The following FRMD4B variants were observed in gnomAD, a reference collection of about 807,000 sequenced individuals.
The protein encoded by FRMD4B is FERM domain-containing protein 4B.
FRMD4B carries 74 observed loss-of-function variants against 141.5 expected under a neutral mutation model. The observed-to-expected ratio is 0.52, with a 90% CI of 0.43 to 0.63. The LOEUF is 0.63. Among genes scored for constraint, FRMD4B ranks in the 30% least tolerant of loss-of-function variants. FRMD4B has a pLI of 0.00. For synonymous variants in FRMD4B, 506 were observed against 467.9 expected, an observed-to-expected ratio of 1.08 and a Z score of -1.05; for missense variants, 1,366 against 1,253.4, an observed-to-expected ratio of 1.09 and a Z score of -1.36.
intron 1 of FRMD4B, among the ~76,000 whole-genome samples, chr3:69,516,612 G>A (rs186010169): frequency 6.6e-6 from 1 of 152,200 alleles, no homozygotes; most frequent in Non-Finnish European, 1.5e-5. Context: ...CTGAGCTACA[G>A]AGCTATAATG....
At chr3:69,295,167 A>G (rs74944511) in intron 4 of FRMD4B, among the ~76,000 whole-genome samples, 4,127 of 152,254 alleles carry the variant, frequency 0.027, 194 homozygotes, top group African/African-American at 0.094. Flanking sequence ...TTCATAGGTG[A>G]TGAAACAGGC....
At chr3:69,245,818 C>T (rs1421793476) in intron 7 of FRMD4B, among the ~76,000 whole-genome samples, 2 of 147,982 alleles carry the variant, frequency 1.4e-5, no homozygotes, top group Non-Finnish European at 3.0e-5. Flanking sequence ...CGTCTGCGAA[C>T]GTGCCAGGCT....
chr3:69,173,801 A>C (rs1398294593), intron 22 of FRMD4B, among the ~76,000 whole-genome samples: 1 of 152,220 alleles, frequency 6.6e-6, no homozygotes, highest in Non-Finnish European at 1.5e-5. Context: ...TCCTAGGAAA[A>C]TAATCTGGGA....
chr3:69,469,495 G>A (rs921182496), intron 1 of FRMD4B, among the ~76,000 whole-genome samples: 1 of 152,118 alleles, frequency 6.6e-6, no homozygotes, highest in Non-Finnish European at 1.5e-5. Flanking sequence ...TCAGCAATCA[G>A]CAATACTTTG....
intron 3 of FRMD4B, chr3:69,306,574 T>C (rs1701399151): frequency 6.6e-6 from 1 of 152,204 alleles, no homozygotes; most frequent in South Asian, 2.1e-4. Flanking sequence ...AGACTAACTT[T>C]GCACACAGAG....
At chr3:69,315,097 A>G (rs368200152) in intron 1 of FRMD4B, among the ~76,000 whole-genome samples, 4 of 152,336 alleles carry the variant, frequency 2.6e-5, no homozygotes, top group South Asian at 2.1e-4. Flanking sequence ...TAGTCCACCA[A>G]CATAGTTTAC....
intron 1 of FRMD4B, among the ~76,000 whole-genome samples, chr3:69,368,121 C>T (rs1376588225): frequency 6.6e-6 from 1 of 152,004 alleles, no homozygotes; most frequent in African/African-American, 2.4e-5. Context: ...TTTTCATGTT[C>T]TAGGCATCTG....
At chr3:69,233,027 C>G (rs1430710384) in intron 7 of FRMD4B, among the ~76,000 whole-genome samples, 1 of 149,956 alleles carries the variant, frequency 6.7e-6, no homozygotes, top group Non-Finnish European at 1.5e-5. Flanking sequence ...ACTGGGATTA[C>G]AGGCATGAAC....
chr3:69,184,036 C>T (rs1205369088), intron 19 of FRMD4B, among the ~76,000 whole-genome samples: 1 of 152,118 alleles, frequency 6.6e-6, no homozygotes, highest in African/African-American at 2.4e-5. Context: ...GCTGGAATTA[C>T]AGGTGTACAC....
At chr3:69,280,209 TCACCACACCTGG>T (rs1179331282) in intron 5 of FRMD4B, among the ~76,000 whole-genome samples, 1 of 152,060 alleles carries the variant, frequency 6.6e-6, no homozygotes, top group African/African-American at 2.4e-5. Flanking sequence ...CATTTCCACA[TCACCACACCTGG>T]CACAGGTGGT....
chr3:69,270,572 T>TTC (rs898876891), intron 5 of FRMD4B, among the ~76,000 whole-genome samples: 2 of 148,260 alleles, frequency 1.3e-5, no homozygotes, highest in African/African-American at 4.9e-5. Flanking sequence ...TTTTTTTCTT[T>TTC]TTTTTTTTTT....
intron 2 of FRMD4B, among the ~76,000 whole-genome samples, chr3:69,394,986 G>A (rs891620418): frequency 6.6e-6 from 1 of 152,092 alleles, no homozygotes; most frequent in African/African-American, 2.4e-5. Context: ...TGGACACGGG[G>A]AGGAGAACAT....
chr3:69,228,639 G>A (rs776894010), intron 7 of FRMD4B: 5 of 365,080 alleles, frequency 1.4e-5, no homozygotes, highest in African/African-American at 4.3e-5. Context: ...GTTGGAGACC[G>A]ACCTGGGCAA....
chr3:69,247,568 C>A (rs935903038), intron 7 of FRMD4B, among the ~76,000 whole-genome samples: 5 of 152,100 alleles, frequency 3.3e-5, no homozygotes, highest in Admixed American at 1.3e-4. Flanking sequence ...CTCACTGCAA[C>A]CTTCGCCTCC....
intron 5 of FRMD4B, among the ~76,000 whole-genome samples, chr3:69,262,643 G>C (rs1017534857): frequency 1.3e-5 from 2 of 151,430 alleles, no homozygotes; most frequent in East Asian, 2.0e-4. Flanking sequence ...ATTTTTAGTA[G>C]AGCTGGGGTG....
At position 69,299,025 on chromosome 3, in the gene FRMD4B, A is replaced by G. The variant is rs554517538; in HGVS notation, c.416+3318T>C. 8.6e-5 allele frequency among the ~76,000 whole-genome samples: 13 copies of G among 151,930 alleles called. No homozygotes were observed. The East Asian group carries it at 2.5e-3, about 29-fold the overall frequency. On this transcript the variant is annotated intron_variant, in intron 4 of 22. Transcript: ENST00000398540. ...AACTATTTATCAGATGAATGGACAA[A>G]CTGTTATTATATAATGAATGCATTT...
chr3:69,200,087 T>C (rs992397664), intron 11 of FRMD4B, among the ~76,000 whole-genome samples: 18 of 152,220 alleles, frequency 1.2e-4, no homozygotes, highest in Non-Finnish European at 2.6e-4. Context: ...TAAGCACTTC[T>C]CTGCAATGCA....
chr3:69,331,304 T>C (rs1410445859), intron 1 of FRMD4B, among the ~76,000 whole-genome samples: 1 of 152,142 alleles, frequency 6.6e-6, no homozygotes, highest in East Asian at 1.9e-4. Context: ...GGCAGAGGGA[T>C]AATACTGGGT....
rs754813838 is a variant in FRMD4B at position 69,221,845 on chromosome 3, GA to G, written c.731+12del. The stretch of plus-strand genomic sequence containing the variant: ...TATTAAAATTATATCTAAGCAAAAG[GA>G]AAGATACTTACTGAACCACAGCTTG... On this transcript the variant is annotated intron_variant, in intron 9 of 22. Transcript: ENST00000398540. 5.8e-6 allele frequency: 8 copies of G among 1,388,918 alleles called. No individual in the cohort carries two copies. In the East Asian group the frequency reaches 1.8e-4, roughly 32 times the overall value. The allele number at this position is 1,388,918 out of a possible 1,614,324, so 86.0% of individuals were successfully genotyped here. A position where few individuals can be genotyped will look rare whatever the true frequency, so the allele number is the denominator to read the frequency against.
Sources: gnomAD v4.1 joint callset for allele counts (sites outside exome capture counted in the v4.1 genomes callset) on GRCh38, gnomAD v4.1.1 for gene constraint, MANE v1.5 for transcripts, NCBI Gene and HGNC (gene_info 2026-07-23, HGNC 2026-07-21) for gene names.